The following ABCB4 variants were observed in gnomAD, a reference collection of about 807,000 sequenced individuals.
ABCB4 encodes ATP binding cassette subfamily B member 4, also known as phosphatidylcholine translocator ABCB4.
ABCB4 carries 76 observed loss-of-function variants against 145.7 expected under a neutral mutation model. The observed-to-expected ratio is 0.52, with a 90% confidence interval of 0.43 to 0.63. The LOEUF (loss-of-function observed/expected upper bound fraction) is 0.63, where lower values mean the gene tolerates loss of function less well. ABCB4 is among the 30% of genes least tolerant of loss of function. ABCB4 has a pLI of 0.00. For missense variants in ABCB4, 1,234 were observed against 1,553.1 expected, an observed-to-expected ratio of 0.79 and a Z score of 3.45; for synonymous variants, 517 against 566.8, an observed-to-expected ratio of 0.91 and a Z score of 1.25.
At chr7:87,379,436 T>G in the ABCB4 span, among the ~76,000 whole-genome samples, 1 of 152,204 alleles carries the variant, frequency 6.6e-6, no homozygotes, top group Non-Finnish European at 1.5e-5. Flanking sequence ...AGTAAGTCAA[T>G]CTCATCAAGA....
In ABCB4 at chr7:87,423,973, G is replaced by A. The variant is rs138773456; in HGVS notation, c.2144C>T (p.Thr715Ile). 6.6e-4 allele frequency: 1,059 copies of A among 1,614,060 alleles called. 2 individuals carry two copies. Among genetic ancestry groups the A allele is most frequent in the Admixed American group, 1.4e-3 (83 of 60,014 alleles). Reference sequence around the variant, plus strand: ...CCCCCCATTGGCAATGGCACATACTGTTCCCACGACAAAGTAGGGCCATTC... The same window carrying A: ...CCCCCCATTGGCAATGGCACATACTATTCCCACGACAAAGTAGGGCCATTC... ...KTEWPYFVVG[T>I]VCAIANGGLQ... The change falls in exon 17 of 28, where the codon ACA becomes ATA. Residue 715 changes from threonine to isoleucine, a missense_variant. Around this residue, in one of 7 missense-constraint regions of ABCB4, gnomAD observed 321 missense variants for 332.6 expected, o/e 0.97. Transcript: ENST00000649586.
chr7:87,384,052 G>T, the ABCB4 span, among the ~76,000 whole-genome samples: 8 of 151,904 alleles, frequency 5.3e-5, no homozygotes, highest in African/African-American at 1.7e-4. Flanking sequence ...ATGTATGAGG[G>T]TTCCCTTTTC....
intron 3 of ABCB4, among the ~76,000 whole-genome samples, chr7:87,472,172 C>T (rs924322197): frequency 6.6e-6 from 1 of 152,142 alleles, no homozygotes; most frequent in African/African-American, 2.4e-5. Flanking sequence ...CAAACTTATA[C>T]AGCACAGGTG....
downstream of ABCB4, among the ~76,000 whole-genome samples, chr7:87,400,388 A>AATTTGATAAG (rs922976670): frequency 4.6e-5 from 7 of 152,194 alleles, no homozygotes; most frequent in Admixed American, 4.6e-4. Context: ...GTACGCTCTG[A>AATTTGATAAG]ATTTGATAAG....
downstream of ABCB4, among the ~76,000 whole-genome samples, chr7:87,397,164 C>T (rs1195896265): frequency 6.6e-6 from 1 of 151,954 alleles, no homozygotes; most frequent in Non-Finnish European, 1.5e-5. Flanking sequence ...CCAGTCTGGC[C>T]AACATGGTGA....
intron 4 of ABCB4, among the ~76,000 whole-genome samples, chr7:87,456,318 C>T (rs529394626): frequency 3.9e-5 from 6 of 152,120 alleles, no homozygotes; most frequent in African/African-American, 9.7e-5. Flanking sequence ...CCAAATCTCA[C>T]GTTGAAATGT....
chr7:87,413,736 C>G lies in ABCB4; in HGVS notation c.2683-19G>C, dbSNP rs1315400235. 1 of 1,501,170 alleles carries G rather than the reference C, an allele frequency of 6.7e-7. No homozygotes were observed. Among genetic ancestry groups the G allele is most frequent in the African/African-American group, 1.4e-5 (1 of 72,684 alleles). The allele number at this position is 1,501,170 out of a possible 1,614,324, so 93.0% of individuals were successfully genotyped here. The stretch of plus-strand genomic sequence containing the variant: ...TTGCAATCTGTAACACAGAATAGAC[C>G]TTCATTAGAAGTGGTGTTTTCACTT... On this transcript the variant is annotated intron_variant, in intron 21 of 27. Transcript: ENST00000649586.
the ABCB4 span, among the ~76,000 whole-genome samples, chr7:87,367,670 G>A: frequency 6.6e-6 from 1 of 152,126 alleles, no homozygotes; most frequent in African/African-American, 2.4e-5. Flanking sequence ...TCTGTGCTGA[G>A]TCCCGCTTCC....
intron 6 of ABCB4, chr7:87,452,260 G>A (rs138005508): frequency 3.7e-4 from 87 of 237,148 alleles, no homozygotes; most frequent in African/African-American, 1.9e-3. Context: ...GAAAATGCAA[G>A]TCTGACCATG....
rs1187662485 is a variant in ABCB4 at position 87,475,649 on chromosome 7, T to C, written c.-22A>G. 3.1e-6 allele frequency: 2 copies of C among 646,158 alleles called. No individual in the cohort carries two copies. The highest frequency in any genetic ancestry group is 5.5e-6 in the Non-Finnish European group (2 of 364,758). 40.0% of individuals were successfully genotyped at this position (646,158 alleles called of 1,614,324 possible). ...CCTCTCTCACCTCGAACCTCGCGCGTGTCTGGCAGGGCCTCTGGACGCGCG... is the reference window on the plus strand; with the variant it reads ...CCTCTCTCACCTCGAACCTCGCGCGCGTCTGGCAGGGCCTCTGGACGCGCG... On this transcript the variant is annotated 5_prime_UTR_variant, in exon 1 of 28. Transcript: ENST00000649586.
chr7:87,420,057 C>T lies in ABCB4; in HGVS notation c.2335G>A (p.Ala779Thr). Residue 779 changes from alanine (A) to threonine (T), a missense_variant, in exon 19 of 28, where the codon GCT becomes ACT. By Grantham distance (58) the Ala-to-Thr change is moderately conservative. Around this residue, in one of 7 missense-constraint regions of ABCB4, gnomAD observed 321 missense variants for 332.6 expected, o/e 0.97. Transcript: ENST00000649586. ...FFLQGFTFGK[A>T]GEILTRRLRS... ...AGTCTTCTGGTGAGGATCTCGCCAG[C>T]TTTCCCAAACGTGAAACCCTGGTTG... 3.7e-6 allele frequency: 6 copies of T among 1,614,046 alleles called. No individual in the cohort carries two copies. Among genetic ancestry groups the T allele is most frequent in the Non-Finnish European group, 5.1e-6 (6 of 1,179,962 alleles).
At chr7:87,427,083 G>A (rs1056271147) in intron 15 of ABCB4, among the ~76,000 whole-genome samples, 163 bp from the exon 16 acceptor site, 2 of 151,938 alleles carry the variant, frequency 1.3e-5, no homozygotes, top group Non-Finnish European at 2.9e-5. Flanking sequence ...ATCAAGGATA[G>A]CTAGAAAACT....
chr7:87,402,274 C>T lies in ABCB4; in HGVS notation c.3662G>A (p.Arg1221Lys), dbSNP rs1584662985. 6.2e-7 allele frequency: 1 copy of T among 1,614,062 alleles called. No homozygotes were observed. Among genetic ancestry groups the T allele is most frequent in the Non-Finnish European group, 8.5e-7 (1 of 1,179,940 alleles). Reference sequence around the variant, plus strand: ...AATCACAATGCAGGTGCGGCCTTCTCTGGCTTTGTCCAGGGCTTCTTGGAC... The same window carrying T: ...AATCACAATGCAGGTGCGGCCTTCTTTGGCTTTGTCCAGGGCTTCTTGGAC... ...KVVQEALDKA[R>K]EGRTCIVIAH... Residue 1221 changes from arginine (R) to lysine (K), a missense_variant, in exon 28 of 28, where the codon AGA becomes AAA. Coordinates refer to ENST00000649586, the MANE Select transcript of ABCB4 (RefSeq NM_000443.4).
the ABCB4 span, chr7:87,375,435 A>G: frequency 2.2e-5 from 11 of 505,040 alleles, no homozygotes; most frequent in African/African-American, 1.9e-4. Flanking sequence ...AATTATTGTC[A>G]AATATGCTTT....
Position 87,439,691 on chromosome 7 carries a change from A to T in ABCB4, c.1707T>A (p.Ala569=). Residue 569 remains alanine, a synonymous_variant, in exon 14 of 28, where the codon GCT becomes GCA. Transcript: ENST00000649586. The part of the protein sequence containing the change: ...ATSALDTESE[A]EVQAALDKAR... ...CCTTATCCAGAGCTGCCTGTACCTC[A>T]GCTTCACTTTCTGTGTCCAATGCTG... 6.2e-7 allele frequency: 1 copy of T among 1,614,146 alleles called. No homozygotes were observed. The highest frequency in any genetic ancestry group is 2.2e-5 in the East Asian group (1 of 44,878).
chr7:87,439,836 T>C lies in ABCB4; in HGVS notation c.1562A>G (p.Lys521Arg). Reference protein sequence around the residue: ...AYEFIMKLPQKFDTLVGERGA... With the variant: ...AYEFIMKLPQRFDTLVGERGA... ...TCTCTCTCCAACCAGGGTGTCAAAT[T>C]TCTAACACAGAAAACATGGATCAGC... Residue 521 changes from lysine (K) to arginine (R), a missense_variant and splice_region_variant, in exon 14 of 28, where the codon AAA becomes AGA. Physicochemically the swap from Lys to Arg is conservative, Grantham distance 26. Around this residue, in one of 7 missense-constraint regions of ABCB4, gnomAD observed 467 missense variants for 632.8 expected, o/e 0.74. Coordinates refer to ENST00000649586, the MANE Select transcript of ABCB4 (RefSeq NM_000443.4). 6.2e-7 allele frequency: 1 copy of C among 1,614,142 alleles called. No individual in the cohort carries two copies. Among genetic ancestry groups the C allele is most frequent in the Non-Finnish European group, 8.5e-7 (1 of 1,180,008 alleles).
chr7:87,409,159 T>C (rs551917312), intron 24 of ABCB4, 77 bp downstream of exon 24: 3 of 1,532,314 alleles, frequency 2.0e-6, no homozygotes, highest in South Asian at 1.1e-5. Context: ...CACAAACTTA[T>C]CCTGTAGCTA....
rs147929636 is a variant in ABCB4, at chr7:87,408,201, C to T, written c.3115G>A (p.Val1039Ile). The change falls in exon 25 of 28, where the codon GTC becomes ATC. Residue 1039 changes from valine to isoleucine, a missense_variant. Physicochemically the swap from Val to Ile is conservative, Grantham distance 29 (BLOSUM62 3). Transcript: ENST00000649586. Reference sequence around the variant, plus strand: ...GCTCGGGTGGGATAGTTGAACACGACTTCATTAAATGTTATATTTCCTTCA... The same window carrying T: ...GCTCGGGTGGGATAGTTGAACACGATTTCATTAAATGTTATATTTCCTTCA... ...KFEGNITFNEVVFNYPTRANV... is the reference protein window; with the variant it reads ...KFEGNITFNEIVFNYPTRANV... The T allele has an allele frequency of 3.7e-6, 6 of 1,614,012 alleles. No homozygotes were observed. In the African/African-American group the frequency reaches 6.7e-5, roughly 18 times the overall value.
chr7:87,443,738 G>T lies in ABCB4; in HGVS notation c.1155C>A (p.His385Gln). ...PKIDSFSERG[H>Q]KPDSIKGNLE... The stretch of plus-strand genomic sequence containing the variant: ...AATTCCCTTTGATGCTGTCTGGTTT[G>T]TGTCCTCTCTCTGAAAAACTGTCAA... Residue 385 changes from histidine (H) to glutamine (Q), a missense_variant, in exon 11 of 28, where the codon CAC (histidine) becomes CAA (glutamine). Physicochemically the swap from His to Gln is conservative, Grantham distance 24 (BLOSUM62 0). Transcript: ENST00000649586. The T allele has an allele frequency of 6.2e-7, 1 of 1,613,916 alleles. No individual in the cohort carries two copies. Among genetic ancestry groups the T allele is most frequent in the Non-Finnish European group, 8.5e-7 (1 of 1,179,886 alleles).
Sources: allele counts gnomAD v4.1 joint callset (sites outside exome capture counted in the v4.1 genomes callset), GRCh38; gene constraint gnomAD v4.1.1; regional missense constraint gnomAD v4.1.1; transcripts MANE v1.5; gene names NCBI Gene and HGNC (gene_info 2026-07-23, HGNC 2026-07-21).